Variants in DLAT observed in about 807,000 individuals in gnomAD.
DLAT encodes the protein dihydrolipoyllysine-residue acetyltransferase component of pyruvate dehydrogenase complex, mitochondrial.
In DLAT, 43 loss-of-function variants were observed where a neutral mutation model predicts 68.0. That is an observed-to-expected ratio of 0.63 (90% CI 0.50 to 0.81). The LOEUF (loss-of-function observed/expected upper bound fraction) is 0.81, where lower values mean the gene tolerates loss of function less well. Among genes scored for constraint, DLAT ranks in the 40% least tolerant of loss-of-function variants. The pLI, the probability that DLAT is intolerant of heterozygous loss-of-function variation, is 0.00. For missense variants in DLAT, 745 were observed against 815.4 expected, an observed-to-expected ratio of 0.91 and a Z score of 1.05; for synonymous variants, 265 against 288.6, an observed-to-expected ratio of 0.92 and a Z score of 0.83.
Position 112,037,575 on chromosome 11 carries a change from G to T in DLAT, c.975+115G>T, listed in dbSNP as rs1862840520. Reference sequence around the variant, plus strand: ...ACCTCCAAGATTCTATGACTGAGGAGGGAGATAGTTTATTAACATTTGTGG... The same window carrying T: ...ACCTCCAAGATTCTATGACTGAGGATGGAGATAGTTTATTAACATTTGTGG... On this transcript the variant is annotated intron_variant, in intron 6 of 13. Transcript: ENST00000280346. 6.0e-6 allele frequency: 6 copies of T among 996,024 alleles called. No homozygotes were observed. In the Admixed American group the frequency reaches 1.2e-4, roughly 20 times the overall value. 61.7% of individuals were successfully genotyped at this position (996,024 alleles called of 1,614,324 possible).
intron 7 of DLAT, 98 bp downstream of exon 7, chr11:112,039,495 A>G (rs1862945043): frequency 1.6e-6 from 2 of 1,246,760 alleles, no homozygotes; most frequent in African/African-American, 3.0e-5. Flanking sequence ...CCGTACTTAT[A>G]ATTGGGATAG....
At chr11:112,044,308 CCCCAGCCT>C (rs1432981108) in intron 8 of DLAT, among the ~76,000 whole-genome samples, 3 of 152,036 alleles carry the variant, frequency 2.0e-5, no homozygotes, top group Admixed American at 1.3e-4. Flanking sequence ...GATTCTCATG[CCCCAGCCT>C]CCCAGGTGGC....
Position 112,043,456 on chromosome 11 carries a change from T to G in DLAT, c.1130-10T>G. On this transcript the variant is annotated splice_polypyrimidine_tract_variant and intron_variant, in intron 7 of 13. Coordinates refer to ENST00000280346, the MANE Select transcript of DLAT (RefSeq NM_001931.5). ...TGTCATCATGTATGTGATATTTATG[T>G]CTCTTACAGGGACAGGACCAGATGG... 6.2e-7 allele frequency: 1 copy of G among 1,613,210 alleles called. No homozygotes were observed. Among genetic ancestry groups the G allele is most frequent in the Non-Finnish European group, 8.5e-7 (1 of 1,179,148 alleles).
chr11:112,028,723 A>G (rs1338863648), intron 3 of DLAT, 69 bp from the exon 4 acceptor site: 18 of 1,613,938 alleles, frequency 1.1e-5, no homozygotes, highest in Non-Finnish European at 1.5e-5. Context: ...GTTAAAGACT[A>G]TTTTTTAAGA....
intron 4 of DLAT, among the ~76,000 whole-genome samples, chr11:112,033,195 T>C (rs1555180100): frequency 6.6e-6 from 1 of 152,220 alleles, no homozygotes; most frequent in East Asian, 1.9e-4. Flanking sequence ...TGTTAGAGTG[T>C]GGGCGAGAGT....
intron 11 of DLAT, among the ~76,000 whole-genome samples, chr11:112,053,940 G>A (rs987178798): frequency 2.0e-4 from 30 of 152,098 alleles, no homozygotes; most frequent in African/African-American, 7.0e-4. Context: ...AAAAAGGTAG[G>A]TTTGTTATGC....
chr11:112,031,152 T>TA (rs1555179918), intron 4 of DLAT, among the ~76,000 whole-genome samples: 1 of 152,200 alleles, frequency 6.6e-6, no homozygotes, highest in East Asian at 1.9e-4. Context: ...AAAAAGCACT[T>TA]ACAATTTTTT....
At chr11:112,027,683 C>T (rs1403395142) in intron 2 of DLAT, among the ~76,000 whole-genome samples, 4 of 151,474 alleles carry the variant, frequency 2.6e-5, no homozygotes, top group East Asian at 3.9e-4. Context: ...GGATCACTCG[C>T]GGTTAGGAGC....
In DLAT at chr11:112,043,504, G is replaced by A. The variant is rs140603763; in HGVS notation, c.1168G>A (p.Asp390Asn). ...PDGRITKKDI[D>N]SFVPSKVAPA... ...TGGTAGAATCACCAAGAAGGATATC[G>A]ACTCTTTTGTGCCTAGTAAAGTTGC... Residue 390 changes from aspartate to asparagine, a missense_variant, in exon 8 of 14, where the codon GAC becomes AAC. Physicochemically the swap from Asp to Asn is conservative, Grantham distance 23 (BLOSUM62 1). Coordinates refer to ENST00000280346, the MANE Select transcript of DLAT (RefSeq NM_001931.5). 1.2e-5 allele frequency: 20 copies of A among 1,613,998 alleles called. No individual in the cohort carries two copies. The highest frequency in any genetic ancestry group is 1.7e-5 in the Non-Finnish European group (20 of 1,180,006).
chr11:112,059,936 T>G lies in DLAT; in HGVS notation c.1548T>G (p.Ser516Arg). 1.2e-6 allele frequency: 2 copies of G among 1,613,020 alleles called. No individual in the cohort carries two copies. The highest frequency in any genetic ancestry group is 1.7e-6 in the Non-Finnish European group (2 of 1,179,512). Residue 516 changes from serine to arginine, a missense_variant, in exon 12 of 14, where the codon AGT (serine) becomes AGG (arginine). Physicochemically the swap from Ser to Arg is moderately radical, Grantham distance 110 (BLOSUM62 -1). Transcript: ENST00000280346. ...NHVVDVSVAV[S>R]TPAGLITPIV... ...TTGTTGATGTCAGTGTTGCGGTCAGTACTCCTGCAGGACTCATCACACCTA... is the reference window on the plus strand; with the variant it reads ...TTGTTGATGTCAGTGTTGCGGTCAGGACTCCTGCAGGACTCATCACACCTA...
intron 7 of DLAT, among the ~76,000 whole-genome samples, chr11:112,040,364 C>T (rs587665117): frequency 6.6e-6 from 1 of 152,244 alleles, no homozygotes; most frequent in African/African-American, 2.4e-5. Context: ...GATAAGAAAA[C>T]AGACTCTCAG....
At chr11:112,057,711 AAGG>A (rs1864186112) in intron 11 of DLAT, among the ~76,000 whole-genome samples, 1 of 152,198 alleles carries the variant, frequency 6.6e-6, no homozygotes, top group Non-Finnish European at 1.5e-5. Flanking sequence ...GGTTGAAGGA[AAGG>A]AGGCCATAAT....
Position 112,064,126 on chromosome 11 carries a change from C to A in DLAT, c.*1591C>A, listed in dbSNP as rs1555183585. On this transcript the variant is annotated 3_prime_UTR_variant, in exon 14 of 14. Transcript: ENST00000280346. The stretch of plus-strand genomic sequence containing the variant: ...TTATCCAAAAGAAACAAGCTTATCA[C>A]AAGGGACCATCATCAATATGATCCA... 2 of 1,459,048 alleles carry A rather than the reference C, an allele frequency of 1.4e-6. No individual in the cohort carries two copies. The highest frequency in any genetic ancestry group is 9.2e-7 in the Non-Finnish European group (1 of 1,085,020). 90.4% of individuals were successfully genotyped at this position (1,459,048 alleles called of 1,614,324 possible).
chr11:112,031,737 C>G (rs1862408003), intron 4 of DLAT, among the ~76,000 whole-genome samples: 1 of 138,554 alleles, frequency 7.2e-6, no homozygotes, highest in African/African-American at 2.8e-5. Context: ...CCATGCCCAG[C>G]TAATTTTTTT....
intron 11 of DLAT, among the ~76,000 whole-genome samples, chr11:112,055,004 A>G (rs1863919387): frequency 6.6e-6 from 1 of 152,088 alleles, no homozygotes; most frequent in Non-Finnish European, 1.5e-5. Context: ...TTATCTCAGG[A>G]TCCTAATTAT....
intron 5 of DLAT, among the ~76,000 whole-genome samples, chr11:112,033,736 C>T (rs2137729203): frequency 6.6e-6 from 1 of 152,158 alleles, no homozygotes. Flanking sequence ...GCTTATTTTT[C>T]AGACAGGGTC....
intron 4 of DLAT, 101 bp from the exon 5 acceptor site, chr11:112,033,303 T>C (rs1238902679): frequency 2.4e-5 from 34 of 1,430,412 alleles, no homozygotes; most frequent in Non-Finnish European, 3.2e-5. Flanking sequence ...ATTTGGATTA[T>C]CATAGTCACC....
chr11:112,027,782 C>T (rs972977041), intron 2 of DLAT, among the ~76,000 whole-genome samples: 15 of 149,796 alleles, frequency 1.0e-4, no homozygotes, highest in Admixed American at 2.7e-4. Flanking sequence ...TGCCTGCAAT[C>T]GCAGGCACTC....
chr11:112,037,500 T>G, intron 6 of DLAT, 40 bp downstream of exon 6: 1 of 1,597,728 alleles, frequency 6.3e-7, no homozygotes. Flanking sequence ...CTTACCTTGT[T>G]CATCTCTAAA....
Sources: gnomAD v4.1 joint callset for allele counts (sites outside exome capture counted in the v4.1 genomes callset) on GRCh38, gnomAD v4.1.1 for gene constraint, MANE v1.5 for transcripts, NCBI Gene and HGNC (gene_info 2026-07-23, HGNC 2026-07-21) for gene names.